The following ATL2 variants were observed in gnomAD, a reference collection of about 807,000 sequenced individuals.
The protein encoded by ATL2 is atlastin-2.
A neutral mutation model predicts 73.9 loss-of-function variants in ATL2; 31 were observed. The observed-to-expected ratio is 0.42, with a 90% CI of 0.32 to 0.57. ATL2 has a LOEUF of 0.57. Among genes scored for constraint, ATL2 ranks in the 20% least tolerant of loss-of-function variants. ATL2 has a pLI of 0.14. For synonymous variants in ATL2, 291 were observed against 237.5 expected, an observed-to-expected ratio of 1.23 and a Z score of -2.07; for missense variants, 738 against 702.6, an observed-to-expected ratio of 1.05 and a Z score of -0.57.
At chr2:38,325,737 C>T (rs916306671) in intron 2 of ATL2, among the ~76,000 whole-genome samples, 7 of 136,400 alleles carry the variant, frequency 5.1e-5, no homozygotes, top group African/African-American at 1.5e-4. Flanking sequence ...CACACACACA[C>T]ACACACACAC....
Position 38,299,303 on chromosome 2 carries a change from C to A in ATL2, c.1153G>T (p.Ala385Ser). The change falls in exon 11 of 13, where the codon GCT becomes TCT. Residue 385 changes from alanine (A) to serine (S), a missense_variant. Ala to Ser is a moderately conservative substitution (Grantham distance 99). Transcript: ENST00000378954. Reference protein sequence around the residue: ...LQATAEANNLAAVAGARDTYC... With the variant: ...LQATAEANNLSAVAGARDTYC... The stretch of plus-strand genomic sequence containing the variant: ...GTATCTCTTGCTCCTGCTACTGCAG[C>A]AAGATTATTAGCTTCAGCTGTTGCC... 6.6e-7 allele frequency: 1 copy of A among 1,510,778 alleles called. No homozygotes were observed. The highest frequency in any genetic ancestry group is 1.4e-5 in the South Asian group (1 of 72,636). 93.6% of individuals were successfully genotyped at this position (1,510,778 alleles called of 1,614,324 possible). A position where few individuals can be genotyped will look rare whatever the true frequency, so the allele number is the denominator to read the frequency against.
chr2:38,354,247 C>A (rs369209450), intron 1 of ATL2: 1 of 334,706 alleles, frequency 3.0e-6, no homozygotes. Context: ...ATATAATGTT[C>A]TTCAGGCTGA....
intron 2 of ATL2, 53 bp downstream of exon 2, chr2:38,343,215 C>A (rs1162661457): frequency 4.6e-6 from 5 of 1,094,054 alleles, no homozygotes; most frequent in South Asian, 3.2e-5. Flanking sequence ...TTTTAACAGG[C>A]ATGGTTGGTA....
At chr2:38,372,998 C>G (rs1474661285) in intron 1 of ATL2, among the ~76,000 whole-genome samples, 1 of 151,568 alleles carries the variant, frequency 6.6e-6, no homozygotes, top group Non-Finnish European at 1.5e-5. Flanking sequence ...AGTAGTCACA[C>G]TGGTACATTC....
chr2:38,311,770 C>G (rs769051256), intron 7 of ATL2, among the ~76,000 whole-genome samples: 1 of 152,122 alleles, frequency 6.6e-6, no homozygotes, highest in Non-Finnish European at 1.5e-5. Flanking sequence ...AAGCTACACA[C>G]TTATGATTTG....
chr2:38,371,660 G>A (rs555501789), intron 1 of ATL2, among the ~76,000 whole-genome samples: 75 of 152,202 alleles, frequency 4.9e-4, no homozygotes, highest in African/African-American at 1.8e-3. Context: ...CACTTTGGGA[G>A]GCCAAGGTGG....
At chr2:38,347,796 G>C (rs1326998765) in intron 1 of ATL2, among the ~76,000 whole-genome samples, 1 of 142,974 alleles carries the variant, frequency 7.0e-6, no homozygotes, top group Non-Finnish European at 1.5e-5. Flanking sequence ...TTAAGGCAGA[G>C]CGCTCTGTCA....
At chr2:38,315,770 G>A (rs1462657434) in intron 4 of ATL2, among the ~76,000 whole-genome samples, 1 of 152,132 alleles carries the variant, frequency 6.6e-6, no homozygotes, top group Non-Finnish European at 1.5e-5. Flanking sequence ...TACAATCAGA[G>A]TATACAGTTA....
chr2:38,311,617 T>G (rs1401541359), intron 7 of ATL2, among the ~76,000 whole-genome samples: 1 of 152,192 alleles, frequency 6.6e-6, no homozygotes, highest in Non-Finnish European at 1.5e-5. Context: ...ATTCTGTATG[T>G]GATTCCATCC....
At position 38,313,217 on chromosome 2, in the gene ATL2, C is replaced by G; in HGVS notation, c.738G>C (p.Trp246Cys). The change falls in exon 7 of 13, where the codon TGG (tryptophan) becomes TGC (cysteine). Residue 246 changes from tryptophan to cysteine, a missense_variant. Trp to Cys is a radical substitution (Grantham distance 215). Coordinates refer to ENST00000378954, the MANE Select transcript of ATL2 (RefSeq NM_001135673.4). ...CATATGAATGTTCATAAGGATAGCT[C>G]CAATCTCGAATCAAAAACATTAATG... ...FQTLMFLIRD[W>C]SYPYEHSYGL... The G allele has an allele frequency of 6.2e-7, 1 of 1,611,716 alleles. No individual in the cohort carries two copies. Among genetic ancestry groups the G allele is most frequent in the Non-Finnish European group, 8.5e-7 (1 of 1,179,104 alleles).
At chr2:38,317,273 G>T (rs1460983631) in intron 4 of ATL2, among the ~76,000 whole-genome samples, 1 of 152,014 alleles carries the variant, frequency 6.6e-6, no homozygotes, top group Non-Finnish European at 1.5e-5. Context: ...TATACTTCTT[G>T]ATACACCATC....
In ATL2 at chr2:38,298,181, G is replaced by C; in HGVS notation, c.1595C>G (p.Thr532Arg). ...TGTTTCAGCAATCTGATCAATCACT[G>C]TTCCAATTTCTCTGAACTCCCCAGA... ...KYSGEFREIG[T>R]VIDQIAETLW... Residue 532 changes from threonine to arginine, a missense_variant, in exon 12 of 13, where the codon ACA (threonine) becomes AGA (arginine). Thr to Arg is a moderately conservative substitution (Grantham distance 71, BLOSUM62 -1). Transcript: ENST00000378954. 6.2e-7 allele frequency: 1 copy of C among 1,613,834 alleles called. No individual in the cohort carries two copies. The highest frequency in any genetic ancestry group is 8.5e-7 in the Non-Finnish European group (1 of 1,179,890).
intron 1 of ATL2, among the ~76,000 whole-genome samples, chr2:38,361,568 T>C (rs1671018170): frequency 6.6e-6 from 1 of 152,108 alleles, no homozygotes; most frequent in African/African-American, 2.4e-5. Flanking sequence ...GGGTGAACCA[T>C]TCAACTGCAC....
At chr2:38,316,422 T>C (rs1351705527) in intron 4 of ATL2, among the ~76,000 whole-genome samples, 1 of 152,206 alleles carries the variant, frequency 6.6e-6, no homozygotes, top group Admixed American at 6.5e-5. Flanking sequence ...AGAGATTTAT[T>C]TAACTTAGAT....
At chr2:38,368,235 CTAAAA>C (rs914434657) in intron 1 of ATL2, among the ~76,000 whole-genome samples, 2 of 149,322 alleles carry the variant, frequency 1.3e-5, no homozygotes, top group African/African-American at 2.5e-5. Context: ...CACCTGGACT[CTAAAA>C]TAAGGACTTT....
At chr2:38,307,467 C>T (rs1382122197) in intron 9 of ATL2, among the ~76,000 whole-genome samples, 3 of 151,254 alleles carry the variant, frequency 2.0e-5, no homozygotes, top group African/African-American at 7.3e-5. Flanking sequence ...CCACTGCAGT[C>T]CAGCCTGGGT....
chr2:38,345,718 G>C (rs911211105), intron 1 of ATL2, among the ~76,000 whole-genome samples: 1 of 152,152 alleles, frequency 6.6e-6, no homozygotes, highest in African/African-American at 2.4e-5. Flanking sequence ...TCATTAGGTA[G>C]GTCCAGATAA....
At chr2:38,319,475 T>C (rs957875227) in intron 2 of ATL2, among the ~76,000 whole-genome samples, 1 of 151,902 alleles carries the variant, frequency 6.6e-6, no homozygotes, top group African/African-American at 2.4e-5. Flanking sequence ...GGCACACTCC[T>C]GTAGTCCCGG....
intron 1 of ATL2, among the ~76,000 whole-genome samples, chr2:38,363,541 T>C (rs1026678352): frequency 4.6e-5 from 7 of 152,244 alleles, no homozygotes; most frequent in African/African-American, 1.7e-4. Flanking sequence ...AAGTATTAAA[T>C]TGCATACCTT....
Sources: allele counts gnomAD v4.1 joint callset (sites outside exome capture counted in the v4.1 genomes callset), GRCh38; gene constraint gnomAD v4.1.1; transcripts MANE v1.5; gene names NCBI Gene and HGNC (gene_info 2026-07-23, HGNC 2026-07-21).